Variants in SOS1 observed in about 807,000 individuals in gnomAD.
SOS1 encodes the protein SOS Ras/Rac guanine nucleotide exchange factor 1.
Under a neutral mutation model 157.6 loss-of-function variants are expected in SOS1, and 25 were observed. That is an observed-to-expected ratio of 0.16 (90% CI 0.12 to 0.22). SOS1 has a LOEUF of 0.22. SOS1 is among the 10% of genes least tolerant of loss of function. The probability of loss-of-function intolerance (pLI) is 1.00; values close to 1 mark genes in which losing one functional copy is unlikely to be tolerated. For missense variants in SOS1, 1,237 were observed against 1,599.1 expected (o/e 0.77, Z 3.86); for synonymous variants, 528 against 534.0 (o/e 0.99, Z 0.16).
At chr2:39,044,799 G>A (rs1007003739) in intron 6 of SOS1, among the ~76,000 whole-genome samples, 1 of 152,066 alleles carries the variant, frequency 6.6e-6, no homozygotes, top group Admixed American at 6.5e-5. Context: ...TCTGCAGGGA[G>A]TCCTAGAACC....
chr2:39,038,336 G>A (rs939836345), intron 6 of SOS1, among the ~76,000 whole-genome samples: 5 of 152,182 alleles, frequency 3.3e-5, no homozygotes, highest in Admixed American at 6.5e-5. Flanking sequence ...GGTGGAAATA[G>A]AAAGAGAAAT....
intron 1 of SOS1, among the ~76,000 whole-genome samples, chr2:39,098,992 C>G (rs1384295545): frequency 6.6e-6 from 1 of 152,102 alleles, no homozygotes; most frequent in East Asian, 1.9e-4. Context: ...TACAAATGTT[C>G]AATATGCACA....
At chr2:39,069,190 C>CAAAAAAAAAAAAAAAAAAAAA (rs869178369) in intron 1 of SOS1, among the ~76,000 whole-genome samples, 1 of 46,760 alleles carries the variant, frequency 2.1e-5, no homozygotes, top group African/African-American at 6.8e-5. Context: ...TACCAAAAAG[C>CAAAAAAAAAAAAAAAAAAAAA]AAAAAAAAAA....
intron 2 of SOS1, among the ~76,000 whole-genome samples, chr2:39,065,690 G>T (rs1671566878): frequency 6.6e-6 from 1 of 152,112 alleles, no homozygotes; most frequent in South Asian, 2.1e-4. Context: ...CAAAAAGCTA[G>T]ACTTTCTGGT....
In SOS1 at chr2:38,997,345, A is replaced by G. The variant is rs1572806755; in HGVS notation, c.2872T>C (p.Phe958Leu). Residue 958 changes from phenylalanine (F) to leucine (L), a missense_variant, in exon 18 of 23, where the codon TTT (phenylalanine) becomes CTT (leucine). Around this residue, in one of 15 missense-constraint regions of SOS1, gnomAD observed 105 missense variants for 236.0 expected, o/e 0.44. Transcript: ENST00000402219. ...TCTGCTACTTTCCTCCTTTTGCTAA[A>G]GTTTATAAGCTCTTTTCCATGTCTT... ...LKRHGKELINFSKRRKVAEIT... is the reference protein window; with the variant it reads ...LKRHGKELINLSKRRKVAEIT... The G allele has an allele frequency of 6.2e-7, 1 of 1,613,086 alleles. No homozygotes were observed. The highest frequency in any genetic ancestry group is 8.5e-7 in the Non-Finnish European group (1 of 1,179,304).
At chr2:39,117,175 C>A (rs1256809481) in intron 1 of SOS1, among the ~76,000 whole-genome samples, 2 of 151,990 alleles carry the variant, frequency 1.3e-5, no homozygotes, top group Non-Finnish European at 2.9e-5. Flanking sequence ...ATTACAGGTG[C>A]CCACCACCAC....
At chr2:39,015,766 C>G (rs1357804959) in intron 10 of SOS1, among the ~76,000 whole-genome samples, 1 of 145,722 alleles carries the variant, frequency 6.9e-6, no homozygotes, top group Non-Finnish European at 1.5e-5. Flanking sequence ...ACTTCTATAA[C>G]TCAAATTTTA....
At chr2:39,063,538 A>G (rs1206872200) in intron 2 of SOS1, among the ~76,000 whole-genome samples, 4 of 152,210 alleles carry the variant, frequency 2.6e-5, no homozygotes, top group Admixed American at 2.6e-4. Flanking sequence ...CCGATTAGTG[A>G]TTATTGGCTA....
intron 1 of SOS1, among the ~76,000 whole-genome samples, chr2:39,100,943 G>A (rs1020109119): frequency 2.6e-5 from 4 of 152,088 alleles, no homozygotes; most frequent in South Asian, 2.1e-4. Flanking sequence ...ATACAGCAAG[G>A]AGACATGGAG....
At chr2:39,018,146 TATAAC>T (rs1175791168) in intron 10 of SOS1, among the ~76,000 whole-genome samples, 1 of 151,902 alleles carries the variant, frequency 6.6e-6, no homozygotes, top group African/African-American at 2.4e-5. Context: ...GGTTTGGCTT[TATAAC>T]ATAAGCAAAA....
intron 1 of SOS1, among the ~76,000 whole-genome samples, chr2:39,115,907 A>C (rs1673633077): frequency 6.6e-6 from 1 of 152,090 alleles, no homozygotes; most frequent in Non-Finnish European, 1.5e-5. Context: ...TTATGGCTTT[A>C]CTTACACATC....
chr2:39,058,552 T>TA (rs1671293489), intron 3 of SOS1, 121 bp downstream of exon 3: 2 of 1,054,010 alleles, frequency 1.9e-6, no homozygotes, highest in Non-Finnish European at 2.8e-6. Flanking sequence ...CTGGAAAACT[T>TA]AGAATGAGAG....
intron 1 of SOS1, among the ~76,000 whole-genome samples, chr2:39,100,167 C>A (rs1325881225): frequency 6.6e-6 from 1 of 152,162 alleles, no homozygotes; most frequent in African/African-American, 2.4e-5. Flanking sequence ...TAAGAGATAA[C>A]AAGTGTTGGT....
At chr2:39,018,298 C>T (rs772127616) in intron 10 of SOS1, among the ~76,000 whole-genome samples, 4 of 151,814 alleles carry the variant, frequency 2.6e-5, no homozygotes, top group Admixed American at 1.3e-4. Context: ...TGGTCAACAA[C>T]CAAAACTTTT....
intron 1 of SOS1, among the ~76,000 whole-genome samples, chr2:39,110,600 T>A (rs1380154176): frequency 6.6e-6 from 1 of 150,628 alleles, no homozygotes; most frequent in Non-Finnish European, 1.5e-5. Flanking sequence ...CTGAAATAAC[T>A]AGATATCAGC....
chr2:38,986,203 G>A lies in SOS1; in HGVS notation c.3623C>T (p.Pro1208Leu). Reference sequence around the variant, plus strand: ...TGGTGGTAATAAGGGAGGGCTTTCAGGAGGGTCTGAGATAGAGGTCCGGTC... The same window carrying A: ...TGGTGGTAATAAGGGAGGGCTTTCAAGAGGGTCTGAGATAGAGGTCCGGTC... ...ISDRTSISDPPESPPLLPPRE... is the reference protein window; with the variant it reads ...ISDRTSISDPLESPPLLPPRE... The change falls in exon 23 of 23, where the codon CCT becomes CTT. Residue 1208 changes from proline to leucine, a missense_variant. Transcript: ENST00000402219. 1 of 1,613,974 alleles carries A rather than the reference G, an allele frequency of 6.2e-7. No individual in the cohort carries two copies. Among genetic ancestry groups the A allele is most frequent in the South Asian group, 1.1e-5 (1 of 91,084 alleles).
At chr2:39,079,465 A>C (rs1252966328) in intron 1 of SOS1, among the ~76,000 whole-genome samples, 1 of 151,878 alleles carries the variant, frequency 6.6e-6, no homozygotes, top group East Asian at 1.9e-4. Flanking sequence ...AGGAAACCAA[A>C]GAAGCCTTTA....
At chr2:39,061,549 G>A (rs995306189) in intron 2 of SOS1, among the ~76,000 whole-genome samples, 1 of 151,976 alleles carries the variant, frequency 6.6e-6, no homozygotes, top group Admixed American at 6.6e-5. Flanking sequence ...ACCATGCCCA[G>A]CTAATTTTGT....
At position 38,984,406 on chromosome 2, in the gene SOS1, T is replaced by C. The variant is rs992696664; in HGVS notation, c.*1418A>G. 2 of 152,186 alleles carry C rather than the reference T, an allele frequency of 1.3e-5. No homozygotes were observed. Among genetic ancestry groups the C allele is most frequent in the South Asian group, 2.1e-4 (1 of 4,836 alleles). The allele number at this position is 152,186 out of a possible 1,614,324, so 9.4% of individuals were successfully genotyped here. On this transcript the variant is annotated 3_prime_UTR_variant, in exon 23 of 23. Coordinates refer to ENST00000402219, the MANE Select transcript of SOS1 (RefSeq NM_005633.4). Reference sequence around the variant, plus strand: ...ATGCAGGTAGATGTTCTATTATGAATAGTTTTGATAAAGCAGAAAACCTCA... The same window carrying C: ...ATGCAGGTAGATGTTCTATTATGAACAGTTTTGATAAAGCAGAAAACCTCA...
Sources: allele counts gnomAD v4.1 joint callset (sites outside exome capture counted in the v4.1 genomes callset), GRCh38; gene constraint gnomAD v4.1.1; regional missense constraint gnomAD v4.1.1; transcripts MANE v1.5; gene names NCBI Gene and HGNC (gene_info 2026-07-23, HGNC 2026-07-21).